CTNNA2: variants seen among roughly 807,000 people sequenced by gnomAD.
CTNNA2 encodes catenin alpha 2, also known as catenin alpha-2.
A neutral mutation model predicts 101.0 loss-of-function variants in CTNNA2; 42 were observed. The ratio of observed to expected loss-of-function variants is 0.42; its 90% CI spans 0.32 to 0.54. The LOEUF (loss-of-function observed/expected upper bound fraction) is 0.54, where lower values mean the gene tolerates loss of function less well. CTNNA2 is among the 20% of genes least tolerant of loss of function. The pLI is 0.14. For missense variants in CTNNA2, 871 were observed against 1,223.1 expected (o/e 0.71, Z 4.29); for synonymous variants, 450 against 456.4 (o/e 0.99, Z 0.18).
chr2:79,258,623 C>A (rs1674877833), intron 2 of CTNNA2, among the ~76,000 whole-genome samples: 1 of 151,956 alleles, frequency 6.6e-6, no homozygotes, highest in Non-Finnish European at 1.5e-5. Flanking sequence ...AAATGTTTTT[C>A]AGAGAAAATA....
At position 80,607,857 on chromosome 2, in the gene CTNNA2, G is replaced by A. The variant is rs1698156355; in HGVS notation, c.2296-327G>A. ...GCATTAAAATAACATTTCACATAGTGAAAGTTGAAGGAAACTGTAAAATAT... is the reference window on the plus strand; with the variant it reads ...GCATTAAAATAACATTTCACATAGTAAAAGTTGAAGGAAACTGTAAAATAT... On this transcript the variant is annotated intron_variant, in intron 16 of 18. Coordinates refer to ENST00000402739, the MANE Select transcript of CTNNA2 (RefSeq NM_001282597.3). Among the ~76,000 whole-genome samples the A allele has an allele frequency of 1.3e-5, 2 of 151,824 alleles. 1 individual carries two copies. Among genetic ancestry groups the A allele is most frequent in the South Asian group, 4.1e-4 (2 of 4,834 alleles).
intron 7 of CTNNA2, among the ~76,000 whole-genome samples, chr2:80,347,929 A>T (rs975212492): frequency 6.6e-6 from 1 of 150,808 alleles, no homozygotes; most frequent in Non-Finnish European, 1.5e-5. Context: ...AGTTTTTAAA[A>T]TACTGATTGA....
intron 7 of CTNNA2, among the ~76,000 whole-genome samples, chr2:80,164,834 C>T (rs918116986): frequency 2.6e-5 from 4 of 151,792 alleles, no homozygotes; most frequent in African/African-American, 9.7e-5. Flanking sequence ...TTATGGTTAA[C>T]AGTTCTTATT....
intron 7 of CTNNA2, among the ~76,000 whole-genome samples, chr2:80,227,278 G>A (rs1708943065): frequency 6.6e-6 from 1 of 152,124 alleles, no homozygotes; most frequent in African/African-American, 2.4e-5. Context: ...AAGCACTACT[G>A]TTTTTTGAAT....
chr2:80,135,267 G>A (rs1227096980), intron 7 of CTNNA2, among the ~76,000 whole-genome samples: 1 of 152,196 alleles, frequency 6.6e-6, no homozygotes, highest in Admixed American at 6.5e-5. Context: ...CATGAACTCT[G>A]GCAGGAAGGC....
intron 4 of CTNNA2, among the ~76,000 whole-genome samples, chr2:79,433,065 G>A (rs567578408): frequency 6.6e-5 from 10 of 152,150 alleles, no homozygotes; most frequent in Admixed American, 2.6e-4. Flanking sequence ...CATGTGGTGC[G>A]AGGGAAATGA....
At chr2:79,556,439 T>C (rs981251910) in intron 1 of CTNNA2, among the ~76,000 whole-genome samples, 4 of 152,072 alleles carry the variant, frequency 2.6e-5, no homozygotes, top group East Asian at 1.9e-4. Flanking sequence ...TCACCATGTA[T>C]ATGAAAAGAG....
intron 3 of CTNNA2, among the ~76,000 whole-genome samples, chr2:79,782,203 AC>A (rs1674499951): frequency 6.6e-6 from 1 of 152,136 alleles, no homozygotes; most frequent in Admixed American, 6.6e-5. Flanking sequence ...GAGTTAGCCA[AC>A]TTAAAGCACT....
chr2:80,069,112 T>G (rs1698165614), intron 7 of CTNNA2, among the ~76,000 whole-genome samples: 1 of 152,082 alleles, frequency 6.6e-6, no homozygotes, highest in Non-Finnish European at 1.5e-5. Context: ...AAGCATTAGC[T>G]CCAATGTCCA....
intron 7 of CTNNA2, among the ~76,000 whole-genome samples, chr2:80,246,056 A>G (rs1238388703): frequency 6.6e-6 from 1 of 151,884 alleles, no homozygotes; most frequent in African/African-American, 2.4e-5. Context: ...GGCCTCCTGA[A>G]GTGCTGGGAT....
chr2:79,393,337 G>T (rs1019531376), intron 4 of CTNNA2, among the ~76,000 whole-genome samples: 1 of 152,158 alleles, frequency 6.6e-6, no homozygotes, highest in African/African-American at 2.4e-5. Context: ...CAAGTGCAAA[G>T]TTCTGCAAAC....
intron 3 of CTNNA2, among the ~76,000 whole-genome samples, chr2:79,770,210 G>T (rs776578492): frequency 6.6e-6 from 1 of 152,132 alleles, no homozygotes; most frequent in African/African-American, 2.4e-5. Context: ...TAGCCTAAAA[G>T]GTCAATAATG....
At chr2:79,239,736 A>G (rs1674599015) in intron 2 of CTNNA2, among the ~76,000 whole-genome samples, 1 of 152,206 alleles carries the variant, frequency 6.6e-6, no homozygotes, top group Admixed American at 6.5e-5. Flanking sequence ...ACAGCAAAAG[A>G]AACTATCATT....
At position 79,845,080 on chromosome 2, in the gene CTNNA2, T is replaced by TGAATATATATATATATGC. The variant is rs1680126545; in HGVS notation, c.299-12932_299-12931insAATATATATATATATGCG. Reference sequence around the variant, plus strand: ...GTGTGTGTGTGTGTATATATATATGTGTATATATATATATATGCACCCTTA... The same window carrying TGAATATATATATATATGC: ...GTGTGTGTGTGTGTATATATATATGTGAATATATATATATATGCGTATATATATATATATGCACCCTTA... On this transcript the variant is annotated intron_variant, in intron 3 of 18. Coordinates refer to ENST00000402739, the MANE Select transcript of CTNNA2 (RefSeq NM_001282597.3). Among the ~76,000 whole-genome samples the TGAATATATATATATATGC allele has an allele frequency of 4.0e-5, 6 of 150,108 alleles. No individual in the cohort carries two copies. The South Asian group carries it at 1.3e-3, about 31-fold the overall frequency.
chr2:79,289,097 A>G (rs550216956), intron 2 of CTNNA2, among the ~76,000 whole-genome samples: 1 of 152,344 alleles, frequency 6.6e-6, no homozygotes, highest in African/African-American at 2.4e-5. Context: ...TCTAATATCT[A>G]CAAGTCTGAG....
intron 7 of CTNNA2, among the ~76,000 whole-genome samples, chr2:80,172,390 C>T (rs1705121508): frequency 6.6e-6 from 1 of 152,140 alleles, no homozygotes; most frequent in African/African-American, 2.4e-5. Flanking sequence ...GGGTTTGTTC[C>T]TTTAACCGAT....
intron 7 of CTNNA2, among the ~76,000 whole-genome samples, chr2:80,378,447 A>G (rs1321342565): frequency 8.4e-6 from 1 of 118,588 alleles, no homozygotes; most frequent in Non-Finnish European, 1.7e-5. Context: ...TGCAGTATAC[A>G]CACACACACA....
chr2:79,723,496 G>C (rs1003890438), intron 2 of CTNNA2, among the ~76,000 whole-genome samples: 17 of 152,154 alleles, frequency 1.1e-4, no homozygotes, highest in African/African-American at 4.1e-4. Flanking sequence ...ACCTCTTCAT[G>C]AGCTACATCT....
intron 9 of CTNNA2, among the ~76,000 whole-genome samples, chr2:80,449,979 A>G (rs1044876052): frequency 1.3e-5 from 2 of 152,196 alleles, no homozygotes; most frequent in Non-Finnish European, 2.9e-5. Context: ...TTCCTGGAAA[A>G]TTTGAAGAAT....
Sources: allele counts gnomAD v4.1 joint callset (sites outside exome capture counted in the v4.1 genomes callset), GRCh38; gene constraint gnomAD v4.1.1; transcripts MANE v1.5; gene names NCBI Gene and HGNC (gene_info 2026-07-23, HGNC 2026-07-21).